Variants in SNX4 observed in about 807,000 individuals in gnomAD.
SNX4 encodes sorting nexin 4.
SNX4 carries 49 observed loss-of-function variants against 70.8 expected under a neutral mutation model. The ratio of observed to expected loss-of-function variants is 0.69; its 90% confidence interval spans 0.55 to 0.88. The LOEUF is 0.88. Ranked by LOEUF, SNX4 falls within the 40% of genes least tolerant of loss-of-function variation. The probability of loss-of-function intolerance (pLI) is 0.00; values close to 1 mark genes in which losing one functional copy is unlikely to be tolerated. For missense variants in SNX4, 528 were observed against 544.8 expected, an observed-to-expected ratio of 0.97 and a Z score of 0.31; for synonymous variants, 206 against 183.8, an observed-to-expected ratio of 1.12 and a Z score of -0.98.
intron 9 of SNX4, among the ~76,000 whole-genome samples, chr3:125,464,564 CTTTTTTTTTT>C (rs778518316): frequency 4.5e-5 from 3 of 67,054 alleles, no homozygotes; most frequent in African/African-American, 2.0e-4. Flanking sequence ...ATTTATCTTT[CTTTTTTTTTT>C]TTTTTTTTTT....
intron 6 of SNX4, among the ~76,000 whole-genome samples, chr3:125,485,366 C>T (rs1035371334): frequency 3.3e-5 from 5 of 152,086 alleles, no homozygotes; most frequent in South Asian, 4.1e-4. Context: ...GGCACAATCT[C>T]GACTCACTGC....
chr3:125,465,935 G>A (rs1934000481), intron 9 of SNX4, among the ~76,000 whole-genome samples: 1 of 152,166 alleles, frequency 6.6e-6, no homozygotes, highest in Non-Finnish European at 1.5e-5. Context: ...GAGCCATTGT[G>A]CCCGGCCCAT....
intron 1 of SNX4, among the ~76,000 whole-genome samples, chr3:125,508,616 C>T (rs1392761294): frequency 6.6e-6 from 1 of 151,724 alleles, no homozygotes; most frequent in Non-Finnish European, 1.5e-5. Context: ...ACTCATACTT[C>T]CTGGTTTCAA....
intron 1 of SNX4, among the ~76,000 whole-genome samples, 158 bp downstream of exon 1, chr3:125,519,874 C>T (rs1935365398): frequency 6.6e-6 from 1 of 152,160 alleles, no homozygotes. Flanking sequence ...TCTCACTGCA[C>T]CTGCGGACCC....
chr3:125,510,659 AAC>A (rs1187467901), intron 1 of SNX4, among the ~76,000 whole-genome samples: 4 of 152,238 alleles, frequency 2.6e-5, no homozygotes, highest in Non-Finnish European at 4.4e-5. Flanking sequence ...AGTGAAATAA[AAC>A]AGTCACATAA....
chr3:125,481,209 C>G (rs1197389760), intron 6 of SNX4, among the ~76,000 whole-genome samples: 1 of 152,132 alleles, frequency 6.6e-6, no homozygotes, highest in Non-Finnish European at 1.5e-5. Context: ...ACAAAGTCAC[C>G]AACTATTTTC....
intron 13 of SNX4, 118 bp downstream of exon 13, chr3:125,451,187 G>A (rs991141417): frequency 4.0e-6 from 2 of 493,890 alleles, no homozygotes; most frequent in African/African-American, 2.0e-5. Context: ...TAGAGAAATT[G>A]GTAAACATTC....
At chr3:125,481,925 AC>A (rs1934420818) in intron 6 of SNX4, among the ~76,000 whole-genome samples, 1 of 151,616 alleles carries the variant, frequency 6.6e-6, no homozygotes, top group African/African-American at 2.4e-5. Context: ...GTACTGTGTC[AC>A]CCAGGTTGGA....
intron 10 of SNX4, 53 bp from the exon 11 acceptor site, chr3:125,457,418 AT>A: frequency 7.3e-7 from 1 of 1,366,322 alleles, no homozygotes; most frequent in Non-Finnish European, 1.0e-6. Context: ...CATGTCAAAC[AT>A]TTTTTTCAAG....
intron 1 of SNX4, among the ~76,000 whole-genome samples, chr3:125,512,793 CAG>C (rs1935196246): frequency 6.9e-6 from 1 of 145,792 alleles, no homozygotes; most frequent in East Asian, 2.0e-4. Context: ...TTTTTTGAGA[CAG>C]AGTGTCACCC....
chr3:125,504,088 T>A (rs1934988134), intron 2 of SNX4, among the ~76,000 whole-genome samples: 1 of 152,018 alleles, frequency 6.6e-6, no homozygotes, highest in Admixed American at 6.6e-5. Flanking sequence ...CCGAACACTT[T>A]GGGAGGCCGA....
intron 7 of SNX4, 63 bp from the exon 8 acceptor site, chr3:125,476,819 G>T: frequency 3.1e-6 from 3 of 982,420 alleles, no homozygotes; most frequent in South Asian, 3.0e-5. Context: ...CTAAAAAATA[G>T]ACCCAAAAAA....
intron 1 of SNX4, among the ~76,000 whole-genome samples, chr3:125,513,487 T>C (rs74832127): frequency 0.42 from 64,228 of 151,818 alleles, 13,587 homozygotes; most frequent in Admixed American, 0.5. Context: ...GTTTGGCATA[T>C]GGCAAGAGCT....
chr3:125,503,361 T>C (rs1228492310), intron 2 of SNX4, among the ~76,000 whole-genome samples: 1 of 152,182 alleles, frequency 6.6e-6, no homozygotes, highest in Non-Finnish European at 1.5e-5. Context: ...ACAAATTGAG[T>C]CTTCCCTTGC....
At chr3:125,464,564 CTTTTTTTTTTTT>C (rs778518316) in intron 9 of SNX4, among the ~76,000 whole-genome samples, 2 of 67,054 alleles carry the variant, frequency 3.0e-5, no homozygotes, top group Non-Finnish European at 5.3e-5. Flanking sequence ...ATTTATCTTT[CTTTTTTTTTTTT>C]TTTTTTTTTT....
intron 1 of SNX4, among the ~76,000 whole-genome samples, chr3:125,515,080 T>G (rs1935245186): frequency 6.6e-6 from 1 of 152,150 alleles, no homozygotes; most frequent in Non-Finnish European, 1.5e-5. Context: ...GTACGCTGAT[T>G]ATGATGTAAA....
chr3:125,486,793 A>G (rs551552791), intron 6 of SNX4, among the ~76,000 whole-genome samples: 5 of 152,278 alleles, frequency 3.3e-5, no homozygotes, highest in African/African-American at 9.6e-5. Context: ...TGGCATCCAC[A>G]TGTAGTTCCA....
In SNX4 at chr3:125,497,975, A is replaced by G; in HGVS notation, c.408T>C (p.Phe136=). 6.2e-7 allele frequency: 1 copy of G among 1,614,150 alleles called. No individual in the cohort carries two copies. The highest frequency in any genetic ancestry group is 8.5e-7 in the Non-Finnish European group (1 of 1,180,028). The change falls in exon 4 of 14, where the codon TTT becomes TTC. Residue 136 remains phenylalanine, a synonymous_variant. Coordinates refer to ENST00000251775, the MANE Select transcript of SNX4 (RefSeq NM_003794.4). Reference sequence around the variant, plus strand: ...TGTCAGCAGAGAGTTTATGCCAAACAAATTCTGCCTAGGTAAACAAAATAA... The same window carrying G: ...TGTCAGCAGAGAGTTTATGCCAAACGAATTCTGCCTAGGTAAACAAAATAA... ...VPPLPEKRAE[F]VWHKLSADNM...
intron 9 of SNX4, among the ~76,000 whole-genome samples, chr3:125,463,797 G>A (rs1933939077): frequency 6.6e-6 from 1 of 152,172 alleles, no homozygotes; most frequent in Non-Finnish European, 1.5e-5. Context: ...TTTTTGTGGT[G>A]AGAATATTTA....
Sources: allele counts gnomAD v4.1 joint callset (sites outside exome capture counted in the v4.1 genomes callset), GRCh38; gene constraint gnomAD v4.1.1; transcripts MANE v1.5; gene names NCBI Gene and HGNC (gene_info 2026-07-23, HGNC 2026-07-21).